Variants in ZMAT4 observed in about 807,000 individuals in gnomAD.
ZMAT4 encodes the protein zinc finger matrin-type protein 4.
A neutral mutation model predicts 28.7 loss-of-function variants in ZMAT4; 17 were observed. That is an observed-to-expected ratio of 0.59 (90% CI 0.41 to 0.89). ZMAT4 has a LOEUF of 0.89. Ranked by LOEUF, ZMAT4 falls within the 40% of genes least tolerant of loss-of-function variation. ZMAT4 has a pLI of 0.00. For missense variants in ZMAT4, 240 were observed against 283.8 expected, an observed-to-expected ratio of 0.85 and a Z score of 1.11; for synonymous variants, 117 against 109.2, an observed-to-expected ratio of 1.07 and a Z score of -0.44.
chr8:40,573,603 G>A (rs1421275878), intron 6 of ZMAT4, among the ~76,000 whole-genome samples: 1 of 152,102 alleles, frequency 6.6e-6, no homozygotes, highest in East Asian at 1.9e-4. Flanking sequence ...CATATTCTGA[G>A]GCTCTGAGGG....
At chr8:40,551,674 G>T (rs1042253416) in intron 6 of ZMAT4, among the ~76,000 whole-genome samples, 1 of 152,198 alleles carries the variant, frequency 6.6e-6, no homozygotes, top group Non-Finnish European at 1.5e-5. Context: ...CTCTGTCGTC[G>T]AGACCAAGGT....
chr8:40,559,216 A>G (rs1433866629), intron 6 of ZMAT4, among the ~76,000 whole-genome samples: 1 of 152,102 alleles, frequency 6.6e-6, no homozygotes, highest in African/African-American at 2.4e-5. Context: ...CTGATAAAAG[A>G]CCACTGACTG....
intron 4 of ZMAT4, among the ~76,000 whole-genome samples, chr8:40,676,900 C>T (rs1038809702): frequency 6.6e-6 from 1 of 152,088 alleles, no homozygotes; most frequent in Non-Finnish European, 1.5e-5. Flanking sequence ...ATAAAAGCTA[C>T]AAATATGCAG....
chr8:40,695,061 C>T (rs1421533102), intron 4 of ZMAT4, among the ~76,000 whole-genome samples: 1 of 152,154 alleles, frequency 6.6e-6, no homozygotes, highest in Non-Finnish European at 1.5e-5. Flanking sequence ...TAGATCGTTC[C>T]CTTTTTGTGC....
chr8:40,583,273 T>C (rs1042161214), intron 5 of ZMAT4, among the ~76,000 whole-genome samples: 1 of 152,102 alleles, frequency 6.6e-6, no homozygotes, highest in Non-Finnish European at 1.5e-5. Context: ...GGTGGCAAAG[T>C]ATAAAAGGTG....
In ZMAT4 at chr8:40,582,488, CA is replaced by C. The variant is rs1013410128; in HGVS notation, c.578-1228del. ...TGGATGACAGAGTGAGGCCTTGTCT[CA>C]AAAAAAAAAAGTGACATATATATAC... On this transcript the variant is annotated intron_variant, in intron 5 of 6. Coordinates refer to ENST00000297737, the MANE Select transcript of ZMAT4 (RefSeq NM_024645.3). Among the ~76,000 whole-genome samples the C allele has an allele frequency of 9.9e-3, 1,415 of 142,562 alleles. 32 individuals carry two copies. Among genetic ancestry groups the C allele is most frequent in the African/African-American group, 0.034 (1,338 of 39,000 alleles). The allele number at this position is 142,562 out of a possible 152,430, so 93.5% of individuals were successfully genotyped here.
At chr8:40,643,595 G>A (rs28651766) in intron 5 of ZMAT4, among the ~76,000 whole-genome samples, 42,766 of 151,894 alleles carry the variant, frequency 0.28, 6,185 homozygotes, top group Admixed American at 0.37. Context: ...AGAGGGAAGA[G>A]ACAGTAAAAT....
At chr8:40,647,347 C>T (rs1054201223) in intron 5 of ZMAT4, among the ~76,000 whole-genome samples, 6 of 151,472 alleles carry the variant, frequency 4.0e-5, no homozygotes, top group African/African-American at 7.4e-5. Flanking sequence ...CACTCCCACC[C>T]GAATACTGCG....
intron 1 of ZMAT4, among the ~76,000 whole-genome samples, chr8:40,881,603 G>GAAAGAA (rs1563264229): frequency 3.0e-5 from 4 of 135,396 alleles, no homozygotes; most frequent in African/African-American, 1.1e-4. Flanking sequence ...AGAAAGAAAA[G>GAAAGAA]AAAAGAAAAG....
intron 1 of ZMAT4, among the ~76,000 whole-genome samples, chr8:40,881,564 AAG>A (rs1818261878): frequency 9.7e-6 from 1 of 103,542 alleles, no homozygotes; most frequent in African/African-American, 4.0e-5. Context: ...GAAAGAAAGA[AAG>A]AAAGAAAGAA....
In ZMAT4 at chr8:40,605,261, G is replaced by T. The variant is rs150397188; in HGVS notation, c.578-24000C>A. Among the ~76,000 whole-genome samples the T allele has an allele frequency of 6.4e-3, 976 of 152,180 alleles. 24 individuals are homozygous for T. Among genetic ancestry groups the T allele is most frequent in the East Asian group, 0.036 (184 of 5,162 alleles). On this transcript the variant is annotated intron_variant, in intron 5 of 6. Coordinates refer to ENST00000297737, the MANE Select transcript of ZMAT4 (RefSeq NM_024645.3). ...GTTCTTGTTTCTCTAGTTCCTTGAG[G>T]TGTGACCTTAGATTGTCTATTTGTG...
chr8:40,756,329 C>CGAATACAGCT (rs1465873834), intron 3 of ZMAT4, among the ~76,000 whole-genome samples: 3 of 150,172 alleles, frequency 2.0e-5, no homozygotes. Context: ...GCAGTGTAGA[C>CGAATACAGCT]GAATACAGCT....
At chr8:40,872,865 G>A (rs764964264) in intron 1 of ZMAT4, among the ~76,000 whole-genome samples, 15 of 152,100 alleles carry the variant, frequency 9.9e-5, no homozygotes, top group Non-Finnish European at 1.6e-4. Flanking sequence ...GGAATTTAAA[G>A]GGAAAGAAGT....
In ZMAT4 at chr8:40,785,092, G is replaced by A. The variant is rs142013284; in HGVS notation, c.103-17362C>T. On this transcript the variant is annotated intron_variant, in intron 2 of 6. Coordinates refer to ENST00000297737, the MANE Select transcript of ZMAT4 (RefSeq NM_024645.3). ...GCATTGCATATTGATGCTTCTAAGC[G>A]TTTGCTGATTCTCACCCCAGTTCCT... 3.7e-3 allele frequency among the ~76,000 whole-genome samples: 565 copies of A among 152,270 alleles called. 1 individual carries two copies. The highest frequency in any genetic ancestry group is 9.1e-3 in the South Asian group (44 of 4,818).
chr8:40,709,759 C>T (rs1810519765), intron 3 of ZMAT4, among the ~76,000 whole-genome samples: 1 of 152,070 alleles, frequency 6.6e-6, no homozygotes, highest in South Asian at 2.1e-4. Flanking sequence ...GGTAGTTGAG[C>T]CGGGCGTGGT....
intron 3 of ZMAT4, among the ~76,000 whole-genome samples, chr8:40,745,568 G>C (rs1812182441): frequency 6.6e-6 from 1 of 152,132 alleles, no homozygotes; most frequent in African/African-American, 2.4e-5. Context: ...CCAAGCCAAG[G>C]ATCTGGAAAT....
At chr8:40,553,545 C>T (rs1005535264) in intron 6 of ZMAT4, among the ~76,000 whole-genome samples, 3 of 152,140 alleles carry the variant, frequency 2.0e-5, no homozygotes, top group Non-Finnish European at 4.4e-5. Context: ...TCTATCTGGG[C>T]AACAGGTGGC....
At chr8:40,688,178 C>T (rs941721580) in intron 4 of ZMAT4, among the ~76,000 whole-genome samples, 3 of 152,132 alleles carry the variant, frequency 2.0e-5, no homozygotes, top group African/African-American at 4.8e-5. Context: ...TAAAATAGGC[C>T]GGGGGGCGGT....
intron 6 of ZMAT4, among the ~76,000 whole-genome samples, chr8:40,549,963 T>C (rs769408940): frequency 4.6e-5 from 7 of 152,190 alleles, no homozygotes; most frequent in Non-Finnish European, 7.3e-5. Context: ...CATATTGAGC[T>C]TGTCATTCTC....
Sources: gnomAD v4.1 joint callset for allele counts (sites outside exome capture counted in the v4.1 genomes callset) on GRCh38, gnomAD v4.1.1 for gene constraint, MANE v1.5 for transcripts, NCBI Gene and HGNC (gene_info 2026-07-23, HGNC 2026-07-21) for gene names.